MRPL1: variants seen among roughly 807,000 people sequenced by gnomAD.
MRPL1 encodes mitochondrial ribosomal protein L1.
Under a neutral mutation model 38.0 loss-of-function variants are expected in MRPL1, and 28 were observed. The observed-to-expected ratio is 0.74, with a 90% CI of 0.55 to 1.01. The LOEUF is 1.01. Ranked by LOEUF, MRPL1 falls within the 50% of genes least tolerant of loss-of-function variation. The pLI is 0.00. For synonymous variants in MRPL1, 123 were observed against 126.7 expected, an observed-to-expected ratio of 0.97 and a Z score of 0.20; for missense variants, 358 against 389.8, an observed-to-expected ratio of 0.92 and a Z score of 0.69.
intron 6 of MRPL1, chr4:77,907,206 T>G (rs1736176686): frequency 1.0e-6 from 1 of 974,476 alleles, no homozygotes. Flanking sequence ...AATTAAATTT[T>G]CAAGGTAAGT....
At chr4:77,946,797 TCAGA>T (rs1438443226) in intron 7 of MRPL1, among the ~76,000 whole-genome samples, 2 of 152,154 alleles carry the variant, frequency 1.3e-5, no homozygotes, top group East Asian at 3.9e-4. Context: ...CCTTTTTAAC[TCAGA>T]CACTTTCCCC....
intron 7 of MRPL1, among the ~76,000 whole-genome samples, chr4:77,942,835 TC>T (rs1336468588): frequency 1.3e-5 from 2 of 152,220 alleles, no homozygotes; most frequent in African/African-American, 4.8e-5. Context: ...ATTCTGCTAT[TC>T]TGTATCTTTT....
intron 6 of MRPL1, among the ~76,000 whole-genome samples, chr4:77,909,001 AG>A (rs1736224109): frequency 6.6e-6 from 1 of 152,226 alleles, no homozygotes; most frequent in South Asian, 2.1e-4. Flanking sequence ...CCAGTAAGGA[AG>A]ATAGTCTTCT....
chr4:77,912,094 A>C (rs1252660998), intron 7 of MRPL1, among the ~76,000 whole-genome samples: 7 of 152,192 alleles, frequency 4.6e-5, no homozygotes, highest in Non-Finnish European at 1.0e-4. Context: ...CCATGTCCTT[A>C]ACCTGAAAAG....
At chr4:77,896,440 A>G (rs961849781) in intron 6 of MRPL1, among the ~76,000 whole-genome samples, 3 of 152,124 alleles carry the variant, frequency 2.0e-5, no homozygotes, top group Admixed American at 6.6e-5. Context: ...AACATGATCT[A>G]TTTAATGGCA....
At position 77,932,979 on chromosome 4, in the gene MRPL1, T is replaced by C. The variant is rs191145610; in HGVS notation, c.778-16818T>C. Among the ~76,000 whole-genome samples the C allele has an allele frequency of 1.1e-3, 173 of 152,002 alleles. 1 individual carries two copies. Among genetic ancestry groups the C allele is most frequent in the African/African-American group, 4.1e-3 (170 of 41,482 alleles). ...AAAAAGGAATTTTGTTTGCGACAGGTCTTGCTGTGTTGCCAAGGTTGGAGT... is the reference window on the plus strand; with the variant it reads ...AAAAAGGAATTTTGTTTGCGACAGGCCTTGCTGTGTTGCCAAGGTTGGAGT... On this transcript the variant is annotated intron_variant, in intron 7 of 8. Transcript: ENST00000315567.
intron 7 of MRPL1, among the ~76,000 whole-genome samples, chr4:77,940,689 G>A (rs1345139125): frequency 2.6e-5 from 4 of 152,022 alleles, no homozygotes; most frequent in South Asian, 2.1e-4. Flanking sequence ...GTTTGTCATC[G>A]TGGCTTTTAT....
chr4:77,901,916 C>T (rs11721383), intron 6 of MRPL1, among the ~76,000 whole-genome samples: 23,196 of 152,106 alleles, frequency 0.15, 2,072 homozygotes, highest in African/African-American at 0.23. Context: ...GAACATTCAC[C>T]ATGGTAGACC....
At chr4:77,952,326 T>C (rs1737429298) in intron 8 of MRPL1, among the ~76,000 whole-genome samples, 163 bp from the exon 9 acceptor site, 2 of 152,220 alleles carry the variant, frequency 1.3e-5, no homozygotes, top group African/African-American at 4.8e-5. Context: ...ACTTAACTCT[T>C]ATTAATTAGC....
In MRPL1 at chr4:77,952,585, A is replaced by G; in HGVS notation, c.956A>G (p.Glu319Gly). The G allele has an allele frequency of 3.7e-6, 6 of 1,607,808 alleles. No homozygotes were observed. Among genetic ancestry groups the G allele is most frequent in the Non-Finnish European group, 5.1e-6 (6 of 1,175,102 alleles). ...TTGCCTAAAGAAGTAAAAAATGAAGAAAGTGAAAAAGAAGATGCCTAAATG... is the reference window on the plus strand; with the variant it reads ...TTGCCTAAAGAAGTAAAAAATGAAGGAAGTGAAAAAGAAGATGCCTAAATG... ...PLLPKEVKNE[E>G]SEKEDA Residue 319 changes from glutamate (E) to glycine (G), a missense_variant, in exon 9 of 9, where the codon GAA becomes GGA. Transcript: ENST00000315567.
chr4:77,922,832 T>C (rs1736610325), intron 7 of MRPL1, among the ~76,000 whole-genome samples: 1 of 152,292 alleles, frequency 6.6e-6, no homozygotes, highest in Middle Eastern at 3.4e-3. Flanking sequence ...GAAGCTCAGA[T>C]TTGGACCTGT....
At chr4:77,941,468 A>G (rs1272172168) in intron 7 of MRPL1, among the ~76,000 whole-genome samples, 1 of 152,058 alleles carries the variant, frequency 6.6e-6, no homozygotes, top group African/African-American at 2.4e-5. Context: ...TGAATGTCTG[A>G]TATCATTCAG....
chr4:77,888,527 A>G (rs558240894), intron 5 of MRPL1, among the ~76,000 whole-genome samples: 2 of 152,234 alleles, frequency 1.3e-5, no homozygotes, highest in South Asian at 2.1e-4. Context: ...AATAAAATAA[A>G]TAAACAAACA....
chr4:77,906,984 C>T, intron 6 of MRPL1: 1 of 985,192 alleles, frequency 1.0e-6, no homozygotes, highest in African/African-American at 1.7e-5. Context: ...TCACTTATAG[C>T]TGTAGTGCTC....
At chr4:77,946,711 A>G (rs1201844744) in intron 7 of MRPL1, among the ~76,000 whole-genome samples, 1 of 152,156 alleles carries the variant, frequency 6.6e-6, no homozygotes, top group East Asian at 1.9e-4. Flanking sequence ...GACTTCCCAC[A>G]ACAATCCTTA....
chr4:77,934,343 A>G (rs1043067388), intron 7 of MRPL1, among the ~76,000 whole-genome samples: 1 of 152,220 alleles, frequency 6.6e-6, no homozygotes, highest in African/African-American at 2.4e-5. Context: ...TAACTTTTAC[A>G]ATTCAATAAT....
intron 8 of MRPL1, among the ~76,000 whole-genome samples, chr4:77,950,424 A>G (rs1423682979): frequency 6.6e-6 from 1 of 152,210 alleles, no homozygotes; most frequent in African/African-American, 2.4e-5. Flanking sequence ...CAGTTTCTTT[A>G]TCATTGCGTT....
intron 1 of MRPL1, among the ~76,000 whole-genome samples, chr4:77,865,259 A>T (rs1735101434): frequency 6.6e-6 from 1 of 152,130 alleles, no homozygotes; most frequent in South Asian, 2.1e-4. Context: ...TGAACTTTAG[A>T]TTCTTATACT....
chr4:77,883,979 A>G (rs562364270), intron 3 of MRPL1, among the ~76,000 whole-genome samples: 83 of 152,304 alleles, frequency 5.4e-4, no homozygotes, highest in African/African-American at 1.9e-3. Flanking sequence ...AAAATTTTCC[A>G]AATATAAAAT....
Sources: gnomAD v4.1 joint callset for allele counts (sites outside exome capture counted in the v4.1 genomes callset) on GRCh38, gnomAD v4.1.1 for gene constraint, MANE v1.5 for transcripts, NCBI Gene and HGNC (gene_info 2026-07-23, HGNC 2026-07-21) for gene names.